The following ZC3H8 variants were observed in gnomAD, a reference collection of about 807,000 sequenced individuals.
The protein encoded by ZC3H8 is zinc finger CCCH-type containing 8.
In ZC3H8, 27 loss-of-function variants were observed where a neutral mutation model predicts 42.5. The observed-to-expected ratio is 0.64, with a 90% CI of 0.47 to 0.88. The LOEUF is 0.88. ZC3H8 is among the 40% of genes least tolerant of loss of function. The pLI is 0.00. For synonymous variants in ZC3H8, 101 were observed against 110.1 expected (o/e 0.92, Z 0.52); for missense variants, 277 against 336.1 (o/e 0.82, Z 1.37).
intron 3 of ZC3H8, among the ~76,000 whole-genome samples, chr2:112,237,685 C>T (rs746844492): frequency 4.0e-5 from 6 of 151,896 alleles, no homozygotes; most frequent in South Asian, 2.1e-4. Context: ...AAGTGATTCT[C>T]GTGCCTCAGC....
At chr2:112,230,874 AAAAG>A in intron 8 of ZC3H8, 25 bp downstream of exon 8, 1 of 1,284,394 alleles carries the variant, frequency 7.8e-7, no homozygotes, top group South Asian at 1.5e-5. Context: ...AGACAAGAAA[AAAAG>A]AAATGTGGTA....
rs992950128 is a variant in ZC3H8, at chr2:112,216,352, C to G, written c.*132G>C. ...CCATTATGGAAGCTGCACATCACCC[C>G]AGTCACACAAGAGGGCACTCTGAAT... On this transcript the variant is annotated 3_prime_UTR_variant, in exon 9 of 9. Coordinates refer to ENST00000409573, the MANE Select transcript of ZC3H8 (RefSeq NM_032494.3). The G allele has an allele frequency of 6.6e-6, 1 of 152,388 alleles. No individual in the cohort carries two copies. The highest frequency in any genetic ancestry group is 1.5e-5 in the Non-Finnish European group (1 of 68,134). The allele number at this position is 152,388 out of a possible 1,614,324, so 9.4% of individuals were successfully genotyped here. A position where few individuals can be genotyped will look rare whatever the true frequency, so the allele number is the denominator to read the frequency against.
At chr2:112,236,840 A>AGTTCAAGGCCAGCCTAAGT in intron 3 of ZC3H8, 145 bp from the exon 4 acceptor site, 1 of 765,460 alleles carries the variant, frequency 1.3e-6, no homozygotes. Flanking sequence ...CAAAGCTAGG[A>AGTTCAAGGCCAGCCTAAGT]GTTCAAGGCC....
In ZC3H8 at chr2:112,250,227, C is replaced by A. The variant is rs1391391166; in HGVS notation, c.120G>T (p.Glu40Asp). Residue 40 changes from glutamate to aspartate, a missense_variant, in exon 2 of 9, where the codon GAG (glutamate) becomes GAT (aspartate). Transcript: ENST00000409573. ...IDTEVEETQEEKIKLECEQIP... is the reference protein window; with the variant it reads ...IDTEVEETQEDKIKLECEQIP... The stretch of plus-strand genomic sequence containing the variant: ...TTTGCTCGCACTCCAGTTTAATTTT[C>A]TCTTCTTGTGTTTCTTCAACTTCTG... 1 of 1,568,150 alleles carries A rather than the reference C, an allele frequency of 6.4e-7. No individual in the cohort carries two copies. Among genetic ancestry groups the A allele is most frequent in the African/African-American group, 1.3e-5 (1 of 74,484 alleles).
chr2:112,235,162 C>T (rs928857500), intron 4 of ZC3H8, among the ~76,000 whole-genome samples: 1 of 152,184 alleles, frequency 6.6e-6, no homozygotes, highest in Non-Finnish European at 1.5e-5. Context: ...CAAATTTTTG[C>T]ATACAGTTTT....
intron 8 of ZC3H8, among the ~76,000 whole-genome samples, chr2:112,218,712 G>A (rs553656386): frequency 3.0e-4 from 45 of 152,042 alleles, no homozygotes; most frequent in Non-Finnish European, 5.9e-4. Flanking sequence ...TGTGTTAATC[G>A]ACTGTTTATG....
At chr2:112,221,812 T>A (rs1467110049) in intron 8 of ZC3H8, among the ~76,000 whole-genome samples, 1 of 152,182 alleles carries the variant, frequency 6.6e-6, no homozygotes, top group Admixed American at 6.5e-5. Flanking sequence ...GACTATCTCC[T>A]GTATGTCATT....
In ZC3H8 at chr2:112,223,701, G is replaced by GAT. The variant is rs1358231974; in HGVS notation, c.*15+7200_*15+7201dup. ...TAAGCCCAAACAATGTAAAATGACT[G>GAT]ATATAATCTAGAAAATAAATTGATG... On this transcript the variant is annotated intron_variant, in intron 8 of 8. Transcript: ENST00000409573. Among the ~76,000 whole-genome samples the GAT allele has an allele frequency of 2.0e-5, 3 of 152,216 alleles. No individual in the cohort carries two copies. The East Asian group carries it at 5.8e-4, about 29-fold the overall frequency.
chr2:112,243,718 AT>A (rs1183982384), intron 2 of ZC3H8, among the ~76,000 whole-genome samples: 2 of 152,054 alleles, frequency 1.3e-5, no homozygotes, highest in Non-Finnish European at 2.9e-5. Context: ...AACATCCTCA[AT>A]TTTGCTTCTT....
chr2:112,237,629 T>C (rs900774627), intron 3 of ZC3H8, among the ~76,000 whole-genome samples: 1 of 151,536 alleles, frequency 6.6e-6, no homozygotes, highest in Non-Finnish European at 1.5e-5. Context: ...CAGGTTGGAG[T>C]GCACTGTGTG....
At chr2:112,230,373 A>G (rs1685038034) in intron 8 of ZC3H8, among the ~76,000 whole-genome samples, 1 of 152,206 alleles carries the variant, frequency 6.6e-6, no homozygotes, top group Non-Finnish European at 1.5e-5. Context: ...ACTTGTGCAC[A>G]TTCATGCCAA....
chr2:112,253,854 A>G (rs1437867626), intron 1 of ZC3H8: 2 of 152,044 alleles, frequency 1.3e-5, no homozygotes, highest in Non-Finnish European at 2.9e-5. Context: ...ATCTGCAAGT[A>G]ATTAGTGTAT....
chr2:112,236,453 G>T, intron 4 of ZC3H8, 109 bp downstream of exon 4: 1 of 1,425,656 alleles, frequency 7.0e-7, no homozygotes, highest in Non-Finnish European at 9.4e-7. Context: ...CGATTCTGTG[G>T]GATGCTTCCA....
chr2:112,249,629 T>C (rs919992115), intron 2 of ZC3H8, among the ~76,000 whole-genome samples: 10 of 152,058 alleles, frequency 6.6e-5, no homozygotes, highest in Non-Finnish European at 1.2e-4. Context: ...GTATTTTTAG[T>C]AGAGATGGGT....
chr2:112,252,914 C>A (rs1329951617), intron 1 of ZC3H8, among the ~76,000 whole-genome samples: 1 of 152,152 alleles, frequency 6.6e-6, no homozygotes, highest in Non-Finnish European at 1.5e-5. Flanking sequence ...GAGGCCAAGG[C>A]GGGCAGATCA....
intron 8 of ZC3H8, among the ~76,000 whole-genome samples, chr2:112,219,885 T>C (rs142657599): frequency 6.6e-6 from 1 of 152,190 alleles, no homozygotes; most frequent in Non-Finnish European, 1.5e-5. Flanking sequence ...CCCACTATTA[T>C]TGTGTGGTTA....
At chr2:112,251,276 G>A (rs373202015) in intron 1 of ZC3H8, among the ~76,000 whole-genome samples, 8 of 152,210 alleles carry the variant, frequency 5.3e-5, no homozygotes, top group Non-Finnish European at 2.9e-5. Flanking sequence ...CAGTGGCTCC[G>A]TGGCTGTTCT....
At chr2:112,254,850 T>A in intron 1 of ZC3H8, 58 bp downstream of exon 1, 1 of 1,569,148 alleles carries the variant, frequency 6.4e-7, no homozygotes, top group Non-Finnish European at 8.6e-7. Context: ...CAGAAGAAAC[T>A]AAGAGGCGGA....
chr2:112,254,583 A>C lies in ZC3H8; in HGVS notation c.74+325T>G, dbSNP rs1311822887. Among the ~76,000 whole-genome samples, 224 of 152,364 alleles carry C rather than the reference A, an allele frequency of 1.5e-3. 2 individuals carry two copies. The highest frequency in any genetic ancestry group is 1.9e-4 in the Non-Finnish European group (13 of 68,040). On this transcript the variant is annotated intron_variant, in intron 1 of 8. Coordinates refer to ENST00000409573, the MANE Select transcript of ZC3H8 (RefSeq NM_032494.3). ...GTAAAGACAGACGCTACGGGACCAC[A>C]GAGGCGGGCTCCTCACCCGCTGCTG... is the stretch of plus-strand genomic sequence containing the variant.
Sources: gnomAD v4.1 joint callset for allele counts (sites outside exome capture counted in the v4.1 genomes callset) on GRCh38, gnomAD v4.1.1 for gene constraint, MANE v1.5 for transcripts, NCBI Gene and HGNC (gene_info 2026-07-23, HGNC 2026-07-21) for gene names.